The following CEP290 variants were observed in gnomAD, a reference collection of about 807,000 sequenced individuals.
The protein encoded by CEP290 is centrosomal protein 290, also known as centrosomal protein of 290 kDa.
Under a neutral mutation model 344.9 loss-of-function variants are expected in CEP290, and 317 were observed. The ratio of observed to expected loss-of-function variants is 0.92; its 90% confidence interval spans 0.84 to 1.01. The LOEUF (loss-of-function observed/expected upper bound fraction) is 1.01. Among genes scored for constraint, CEP290 ranks in the 50% least tolerant of loss-of-function variants. The probability of loss-of-function intolerance (pLI) is 0.00; values close to 1 mark genes in which losing one functional copy is unlikely to be tolerated. For missense variants in CEP290, 2,754 were observed against 2,761.4 expected (o/e 1.00, Z 0.06); for synonymous variants, 932 against 895.8 (o/e 1.04, Z -0.72).
rs567493515 is a variant in CEP290, at chr12:88,129,712, G to A, written c.834C>T (p.Asn278=). 1.1e-4 allele frequency: 160 copies of A among 1,438,742 alleles called. 1 individual carries two copies. The South Asian group carries it at 1.6e-3, about 14-fold the overall frequency. 89.1% of individuals were successfully genotyped at this position (1,438,742 alleles called of 1,614,324 possible). ...DNVIDQLKKE[N]DHYQLQVQEL... is the part of the protein sequence containing the mutation. The stretch of plus-strand genomic sequence containing the variant: ...TTCTTACTTGAAGTTGATAATGATC[G>A]TTTTCTTTTTTTAACTGATCTATTA... Residue 278 remains asparagine (N), a synonymous_variant, in exon 10 of 54, where the codon AAC becomes AAT. Coordinates refer to ENST00000552810, the MANE Select transcript of CEP290 (RefSeq NM_025114.4).
chr12:88,050,783 G>A (rs2468239), intron 52 of CEP290, among the ~76,000 whole-genome samples: 118,752 of 152,134 alleles, frequency 0.78, 50,396 homozygotes, highest in East Asian at 0.96. Context: ...GTTGGGTAAG[G>A]GACTATAACC....
rs774720743 is a variant in CEP290, at chr12:88,114,464, C to T, written c.2008G>A (p.Gly670Arg). ...EMQKDPDVKG[G>R]ETSLIIPSLE... ...CTAGGGATAATTAGAGATGTTTCTC[C>T]TCCTTTAACATCAGGATCTTTCTGC... Residue 670 changes from glycine to arginine, a missense_variant, in exon 20 of 54, where the codon GGA (glycine) becomes AGA (arginine). Coordinates refer to ENST00000552810, the MANE Select transcript of CEP290 (RefSeq NM_025114.4). 1 of 1,546,950 alleles carries T rather than the reference C, an allele frequency of 6.5e-7. No individual in the cohort carries two copies. Among genetic ancestry groups the T allele is most frequent in the South Asian group, 1.2e-5 (1 of 82,816 alleles).
Position 88,130,338 on chromosome 12 carries a change from T to C in CEP290, c.599A>G (p.Glu200Gly), listed in dbSNP as rs2039988634. ...CAACTGTGATCGGTAGTCACTGTCT[T>C]CCCCTCTTCTTGATAAAAGTGTTTC... ...QKETLLSRRGEDSDYRSQLSK... is the reference protein window; with the variant it reads ...QKETLLSRRGGDSDYRSQLSK... The change falls in exon 9 of 54, where the codon GAA becomes GGA. Residue 200 changes from glutamate to glycine, a missense_variant. Coordinates refer to ENST00000552810, the MANE Select transcript of CEP290 (RefSeq NM_025114.4). 6.2e-7 allele frequency: 1 copy of C among 1,610,216 alleles called. No homozygotes were observed. Among genetic ancestry groups the C allele is most frequent in the Non-Finnish European group, 8.5e-7 (1 of 1,178,506 alleles).
In CEP290 at chr12:88,093,797, A is replaced by C. The variant is rs1565855129; in HGVS notation, c.3282T>G (p.Asn1094Lys). 1.9e-6 allele frequency: 3 copies of C among 1,610,640 alleles called. No individual in the cohort carries two copies. Among genetic ancestry groups the C allele is most frequent in the Non-Finnish European group, 2.5e-6 (3 of 1,178,084 alleles). The stretch of plus-strand genomic sequence containing the variant: ...CAGCAAATTTGGTTTCCAATTCAAA[A>C]TTACGTTCCTCCATTTGCTTTAACG... ...RTSLKQMEER[N>K]FELETKFAEL... The change falls in exon 28 of 54, where the codon AAT (asparagine) becomes AAG (lysine). Residue 1094 changes from asparagine (N) to lysine (K), a missense_variant. Physicochemically the swap from Asn to Lys is moderately conservative, Grantham distance 94 (BLOSUM62 0). Transcript: ENST00000552810.
chr12:88,056,790 T>C (rs2034041697), intron 49 of CEP290, among the ~76,000 whole-genome samples: 1 of 152,196 alleles, frequency 6.6e-6, no homozygotes, highest in Admixed American at 6.5e-5. Context: ...AAGACCTGTG[T>C]CATGGGTCCC....
intron 12 of CEP290, among the ~76,000 whole-genome samples, chr12:88,125,632 T>C (rs1228295994): frequency 6.6e-6 from 1 of 152,076 alleles, no homozygotes; most frequent in Non-Finnish European, 1.5e-5. Context: ...TTATGGCTTC[T>C]ATACTTCCTT....
intron 31 of CEP290, among the ~76,000 whole-genome samples, 168 bp downstream of exon 31, chr12:88,088,864 G>A (rs1051363384): frequency 7.2e-5 from 11 of 152,012 alleles, no homozygotes; most frequent in African/African-American, 2.4e-4. Context: ...AAATTAGGTA[G>A]GTATGGTGGT....
intron 34 of CEP290, 128 bp downstream of exon 34, chr12:88,085,911 T>C (rs2036540683): frequency 2.4e-6 from 2 of 849,670 alleles, no homozygotes; most frequent in Non-Finnish European, 3.5e-6. Context: ...TATAGGAGAA[T>C]AGAAAAATAG....
chr12:88,131,204 A>G lies in CEP290; in HGVS notation c.456T>C (p.Asn152=). The change falls in exon 7 of 54, where the codon AAT becomes AAC. Residue 152 remains asparagine (N), a synonymous_variant. Transcript: ENST00000552810. ...KKVNEQLALR[N]EEAENENSKL... ...TGCTGTTTTCATTTTCTGCCTCCTC[A>G]TTTCGAAGAGCCAACTAAAATAGTA... 1 of 1,512,130 alleles carries G rather than the reference A, an allele frequency of 6.6e-7. No homozygotes were observed. 93.7% of individuals were successfully genotyped at this position (1,512,130 alleles called of 1,614,324 possible). A position where few individuals can be genotyped will look rare whatever the true frequency, so the allele number is the denominator to read the frequency against.
chr12:88,096,570 G>A (rs1038504476), intron 27 of CEP290, among the ~76,000 whole-genome samples: 4 of 151,996 alleles, frequency 2.6e-5, no homozygotes, highest in African/African-American at 4.8e-5. Context: ...TGCACTCAGT[G>A]AAAGAACTCA....
chr12:88,063,733 A>G lies in CEP290; in HGVS notation c.6270+248T>C, dbSNP rs117508700. ...GACTTGTTTATTGTCAGTCTTCTCC[A>G]CTAGAACGTAAGTCCTATGAGTATA... On this transcript the variant is annotated intron_variant, in intron 45 of 53. Coordinates refer to ENST00000552810, the MANE Select transcript of CEP290 (RefSeq NM_025114.4). 0.022 allele frequency among the ~76,000 whole-genome samples: 3,326 copies of G among 152,160 alleles called. 62 individuals are homozygous for G. The highest frequency in any genetic ancestry group is 0.068 in the Middle Eastern group (20 of 294).
rs779145328 is a variant in CEP290 at position 88,059,944 on chromosome 12, T to C, written c.6599A>G (p.Glu2200Gly). The change falls in exon 48 of 54, where the codon GAA (glutamate) becomes GGA (glycine). Residue 2200 changes from glutamate (E) to glycine (G), a missense_variant. Transcript: ENST00000552810. The stretch of plus-strand genomic sequence containing the variant: ...CCTTTCATTTTCAGCAATAATTTTT[T>C]CTGTGCCTTTGGTCTTGGATTCATA... ...MHYESKTKGT[E>G]KIIAENERLR... The C allele has an allele frequency of 1.4e-5, 22 of 1,593,688 alleles. No individual in the cohort carries two copies. The highest frequency in any genetic ancestry group is 1.9e-5 in the Non-Finnish European group (22 of 1,169,892).
intron 21 of CEP290, 42 bp from the exon 22 acceptor site, chr12:88,111,393 C>T: frequency 6.6e-7 from 1 of 1,526,162 alleles, no homozygotes. Context: ...AACTCTTACA[C>T]CCAAAGAAAG....
In CEP290 at chr12:88,125,333, T is replaced by G; in HGVS notation, c.1102A>C (p.Thr368Pro). 7.6e-7 allele frequency: 1 copy of G among 1,322,008 alleles called. No individual in the cohort carries two copies. The highest frequency in any genetic ancestry group is 9.9e-7 in the Non-Finnish European group (1 of 1,006,982). 81.9% of individuals were successfully genotyped at this position (1,322,008 alleles called of 1,614,324 possible). Residue 368 changes from threonine to proline, a missense_variant, in exon 13 of 54, where the codon ACC becomes CCC. By Grantham distance (38) the Thr-to-Pro change is conservative. Transcript: ENST00000552810. ...TTTGTATATTGTTCTACTTGTTCGGTGAGCATCTTAATTTGACTGTCTCGT... is the reference window on the plus strand; with the variant it reads ...TTTGTATATTGTTCTACTTGTTCGGGGAGCATCTTAATTTGACTGTCTCGT... ...QERDSQIKML[T>P]EQVEQYTKEM...
intron 30 of CEP290, among the ~76,000 whole-genome samples, chr12:88,089,820 G>T (rs574812566): frequency 2.0e-5 from 3 of 147,928 alleles, no homozygotes; most frequent in African/African-American, 7.5e-5. Flanking sequence ...TCCACCTCCC[G>T]GGTTCAAGCA....
rs886044122 is a variant in CEP290, at chr12:88,111,822, C to G, written c.2089G>C (p.Ala697Pro). 2 of 1,602,604 alleles carry G rather than the reference C, an allele frequency of 1.2e-6. No individual in the cohort carries two copies. Among genetic ancestry groups the G allele is most frequent in the Non-Finnish European group, 1.7e-6 (2 of 1,174,928 alleles). ...ESKNAEGIFD[A>P]SLHLKAQVDQ... ...ACTTGGGCTTTCAAATGCAGACTCG[C>G]ATCAAAGATTCCTTCTGCATTCTTT... Residue 697 changes from alanine to proline, a missense_variant, in exon 21 of 54, where the codon GCG (alanine) becomes CCG (proline). Coordinates refer to ENST00000552810, the MANE Select transcript of CEP290 (RefSeq NM_025114.4).
chr12:88,078,121 GAA>G (rs757337419), intron 39 of CEP290, among the ~76,000 whole-genome samples: 1 of 111,502 alleles, frequency 9.0e-6, no homozygotes. Flanking sequence ...TCGACTTTGA[GAA>G]AAAAAAAAAA....
In CEP290 at chr12:88,083,844, T is replaced by C. The variant is rs2036371333; in HGVS notation, c.4812+3A>G. On this transcript the variant is annotated splice_donor_region_variant and intron_variant, in intron 36 of 53. Coordinates refer to ENST00000552810, the MANE Select transcript of CEP290 (RefSeq NM_025114.4). ...GAATGGAACAAAGTTCTTAGAATCTTACCCAAGCCGTTTGTTTGAATTTAT... is the reference window on the plus strand; with the variant it reads ...GAATGGAACAAAGTTCTTAGAATCTCACCCAAGCCGTTTGTTTGAATTTAT... The C allele has an allele frequency of 6.5e-7, 1 of 1,543,660 alleles. No homozygotes were observed. The highest frequency in any genetic ancestry group is 1.4e-5 in the African/African-American group (1 of 73,070).
intron 37 of CEP290, among the ~76,000 whole-genome samples, chr12:88,080,941 C>A (rs561629351): frequency 3.9e-5 from 6 of 152,298 alleles, no homozygotes; most frequent in African/African-American, 1.4e-4. Context: ...TGGCAACAAT[C>A]TTATCAAGTT....
Sources: gnomAD v4.1 joint callset for allele counts (sites outside exome capture counted in the v4.1 genomes callset) on GRCh38, gnomAD v4.1.1 for gene constraint, MANE v1.5 for transcripts, NCBI Gene and HGNC (gene_info 2026-07-23, HGNC 2026-07-21) for gene names.